The following APBB2 variants were observed in gnomAD, a reference collection of about 807,000 sequenced individuals.
APBB2 encodes the protein Fe65-like 1.
In APBB2, 38 loss-of-function variants were observed where a neutral mutation model predicts 82.5. The ratio of observed to expected loss-of-function variants is 0.46; its 90% confidence interval spans 0.36 to 0.60. APBB2 has a LOEUF of 0.60. Among genes scored for constraint, APBB2 ranks in the 20% least tolerant of loss-of-function variants. The pLI is 0.00. For synonymous variants in APBB2, 341 were observed against 368.2 expected, an observed-to-expected ratio of 0.93 and a Z score of 0.85; for missense variants, 772 against 972.3, an observed-to-expected ratio of 0.79 and a Z score of 2.74.
chr4:41,046,663 T>C (rs188671219), intron 4 of APBB2, among the ~76,000 whole-genome samples: 1 of 152,270 alleles, frequency 6.6e-6, no homozygotes, highest in Non-Finnish European at 1.5e-5. Flanking sequence ...CCAAGGAAGA[T>C]TTTTTTCCTC....
intron 3 of APBB2, among the ~76,000 whole-genome samples, chr4:41,068,285 AT>A (rs1361537444): frequency 6.6e-6 from 1 of 152,194 alleles, no homozygotes; most frequent in Non-Finnish European, 1.5e-5. Context: ...TGTGGTCTCT[AT>A]TTCTCATAAC....
At chr4:40,854,203 T>C (rs534901962) in intron 12 of APBB2, among the ~76,000 whole-genome samples, 31 of 152,348 alleles carry the variant, frequency 2.0e-4, no homozygotes, top group African/African-American at 7.2e-4. Flanking sequence ...CTATACTAGG[T>C]ACTATGTTAG....
At chr4:41,126,809 T>A (rs886929179) in intron 2 of APBB2, among the ~76,000 whole-genome samples, 6 of 152,202 alleles carry the variant, frequency 3.9e-5, no homozygotes, top group Admixed American at 3.9e-4. Context: ...CTTCTTCTTA[T>A]AAGGCACCAA....
At chr4:41,017,783 G>A (rs1173024831) in intron 5 of APBB2, among the ~76,000 whole-genome samples, 1 of 152,202 alleles carries the variant, frequency 6.6e-6, no homozygotes, top group Admixed American at 6.5e-5. Flanking sequence ...GACACACAGA[G>A]AGGAAAGAGA....
chr4:41,169,426 TG>T (rs57450525), intron 1 of APBB2, among the ~76,000 whole-genome samples: 15,659 of 152,230 alleles, frequency 0.1, 986 homozygotes, highest in Non-Finnish European at 0.14. Flanking sequence ...AATGGCCACC[TG>T]GAAGGTTTCC....
At chr4:40,841,386 T>A (rs1755754552) in intron 12 of APBB2, among the ~76,000 whole-genome samples, 1 of 152,166 alleles carries the variant, frequency 6.6e-6, no homozygotes, top group Non-Finnish European at 1.5e-5. Flanking sequence ...GTGGAGTTTT[T>A]ATTAAGTGGT....
At chr4:41,066,696 G>A (rs1264437777) in intron 3 of APBB2, among the ~76,000 whole-genome samples, 2 of 152,228 alleles carry the variant, frequency 1.3e-5, no homozygotes, top group East Asian at 1.9e-4. Flanking sequence ...GAAACCGCAT[G>A]GTATAGTCCA....
chr4:41,137,798 A>T (rs1215427726), intron 2 of APBB2, among the ~76,000 whole-genome samples: 6 of 152,194 alleles, frequency 3.9e-5, no homozygotes, highest in Non-Finnish European at 8.8e-5. Context: ...TGCAAAAAAT[A>T]AAAATAAAAA....
intron 10 of APBB2, among the ~76,000 whole-genome samples, chr4:40,929,118 C>T (rs976308624): frequency 2.0e-5 from 3 of 151,440 alleles, no homozygotes; most frequent in Admixed American, 1.3e-4. Context: ...AACATGACGG[C>T]GATCTGGAGA....
intron 6 of APBB2, among the ~76,000 whole-genome samples, chr4:41,012,937 T>G (rs552800683): frequency 2.1e-4 from 32 of 152,282 alleles, no homozygotes; most frequent in African/African-American, 7.7e-4. Context: ...TCCAAAATAT[T>G]ACAAATATAG....
intron 12 of APBB2, among the ~76,000 whole-genome samples, chr4:40,837,747 T>A (rs765216617): frequency 3.3e-4 from 50 of 152,310 alleles, no homozygotes; most frequent in African/African-American, 1.2e-3. Context: ...ATGAGAATCA[T>A]TGCGTTTTCT....
chr4:40,826,664 G>A lies in APBB2; in HGVS notation c.1732+468C>T, dbSNP rs1372297875. ...CCCATGTTTTCTTTTTTTAAGATTA[G>A]TCAAGTATAGTAGTGGGAAGGGGAG... On this transcript the variant is annotated intron_variant, in intron 14 of 17. Transcript: ENST00000508593. The surrounding 1 kb of genome is among the most constrained non-coding windows in gnomAD (Gnocchi z 4.5). The A allele has an allele frequency of 1.3e-5, 2 of 158,090 alleles. No individual in the cohort carries two copies. The highest frequency in any genetic ancestry group is 3.8e-4 in the East Asian group (2 of 5,260). 9.8% of individuals were successfully genotyped at this position (158,090 alleles called of 1,614,324 possible).
At chr4:41,157,371 C>G (rs1763743755) in intron 1 of APBB2, among the ~76,000 whole-genome samples, 1 of 152,182 alleles carries the variant, frequency 6.6e-6, no homozygotes, top group African/African-American at 2.4e-5. Context: ...TTGGTGAAGG[C>G]CAACAGGCCC....
chr4:41,109,965 C>T (rs1263787393), intron 2 of APBB2, among the ~76,000 whole-genome samples: 1 of 152,186 alleles, frequency 6.6e-6, no homozygotes, highest in Non-Finnish European at 1.5e-5. Context: ...TGTCTCCTGT[C>T]CTTTAACCAA....
chr4:40,905,767 T>G (rs981695952), intron 10 of APBB2, among the ~76,000 whole-genome samples: 1 of 152,254 alleles, frequency 6.6e-6, no homozygotes. Context: ...ATTCAGCATC[T>G]ACTTTATTGC....
intron 12 of APBB2, among the ~76,000 whole-genome samples, chr4:40,851,894 C>A (rs1365699032): frequency 6.6e-6 from 1 of 151,904 alleles, no homozygotes; most frequent in Non-Finnish European, 1.5e-5. Flanking sequence ...TTCTACTTTA[C>A]AGCTATAAGG....
intron 10 of APBB2, among the ~76,000 whole-genome samples, chr4:40,899,610 A>C (rs1774691057): frequency 6.6e-6 from 1 of 152,230 alleles, no homozygotes; most frequent in African/African-American, 2.4e-5. Flanking sequence ...GAAATGAAGA[A>C]GGGCAAGTGG....
chr4:40,941,141 C>CT (rs151206804), intron 7 of APBB2, among the ~76,000 whole-genome samples: 111 of 147,134 alleles, frequency 7.5e-4, no homozygotes, highest in Admixed American at 1.9e-3. Flanking sequence ...TTATTTGATT[C>CT]TTTTTTTTTT....
chr4:41,005,281 G>T (rs1426520347), intron 6 of APBB2, among the ~76,000 whole-genome samples: 1 of 152,096 alleles, frequency 6.6e-6, no homozygotes, highest in African/African-American at 2.4e-5. Context: ...GTAGAGACAG[G>T]GTTTCACCAT....
Sources: allele counts gnomAD v4.1 joint callset (sites outside exome capture counted in the v4.1 genomes callset), GRCh38; gene constraint gnomAD v4.1.1; non-coding constraint Gnocchi (gnomAD v3.1); transcripts MANE v1.5; gene names NCBI Gene and HGNC (gene_info 2026-07-23, HGNC 2026-07-21).